KCNQ1OT1: variants seen among roughly 807,000 people sequenced by gnomAD.
The protein encoded by KCNQ1OT1 is KCNQ1 opposite strand/antisense transcript 1, also known as KCNQ1 antisense RNA 2 (non-protein coding).
chr11:2,612,878 A>G lies in KCNQ1OT1; in HGVS notation n.87117T>C. 2.5e-6 allele frequency: 1 copy of G among 398,558 alleles called. No homozygotes were observed. Among genetic ancestry groups the G allele is most frequent in the East Asian group, 3.6e-5 (1 of 28,074 alleles). The allele number at this position is 398,558 out of a possible 1,614,324, so 24.7% of individuals were successfully genotyped here. On this transcript the variant is annotated non_coding_transcript_exon_variant, in exon 1 of 1. Coordinates refer to ENST00000597346, the Ensembl canonical transcript of KCNQ1OT1. This position sits in a 1 kb window ranked among gnomAD's most constrained non-coding sequence, Gnocchi z 5.5. ...TGGATTCTAGTTCTTCTCCCTAACC[A>G]GGGATGATTTCTGTTACTCATTTAT... is the stretch of plus-strand genomic sequence containing the variant.
rs937524593 is a variant in KCNQ1OT1 at position 2,627,664 on chromosome 11, G to T, written n.72331C>A. The T allele has an allele frequency of 2.5e-6, 1 of 398,410 alleles. No homozygotes were observed. The highest frequency in any genetic ancestry group is 4.4e-6 in the Non-Finnish European group (1 of 226,050). 24.7% of individuals were successfully genotyped at this position (398,410 alleles called of 1,614,324 possible). On this transcript the variant is annotated non_coding_transcript_exon_variant, in exon 1 of 1. Coordinates refer to ENST00000597346, the Ensembl canonical transcript of KCNQ1OT1. The surrounding 1 kb of genome is among the most constrained non-coding windows in gnomAD (Gnocchi z 4.9). Reference sequence around the variant, plus strand: ...TTAAAGGATGAATATTTCATTGTGTGTGTGTATATATGTGTGTGTGTGTGT... The same window carrying T: ...TTAAAGGATGAATATTTCATTGTGTTTGTGTATATATGTGTGTGTGTGTGT...
chr11:2,631,501 CTG>C, exon 1 of KCNQ1OT1: 1 of 396,866 alleles, frequency 2.5e-6, no homozygotes, highest in Admixed American at 4.4e-5. Flanking sequence ...GGTTGTCTCT[CTG>C]TTCTCTGGTA....
At chr11:2,648,914 A>AT in exon 1 of KCNQ1OT1, 1 of 394,270 alleles carries the variant, frequency 2.5e-6, no homozygotes, top group Middle Eastern at 6.4e-4. Flanking sequence ...TATAATTGTT[A>AT]TATCTTCTTG....
chr11:2,608,568 T>C lies in KCNQ1OT1; in HGVS notation n.91427A>G, dbSNP rs1848920223. On this transcript the variant is annotated non_coding_transcript_exon_variant, in exon 1 of 1. Transcript: ENST00000597346. The surrounding 1 kb of genome is among the most constrained non-coding windows in gnomAD (Gnocchi z 4.6). ...ATAGCTCACTGTAACCTCGATCTCCTAGTCTCAAGTGATCCTTGCCCCTTA... is the reference window on the plus strand; with the variant it reads ...ATAGCTCACTGTAACCTCGATCTCCCAGTCTCAAGTGATCCTTGCCCCTTA... The C allele has an allele frequency of 7.5e-6, 3 of 398,598 alleles. No individual in the cohort carries two copies. The highest frequency in any genetic ancestry group is 1.3e-5 in the Non-Finnish European group (3 of 226,046). 24.7% of individuals were successfully genotyped at this position (398,598 alleles called of 1,614,324 possible).
exon 1 of KCNQ1OT1, chr11:2,619,589 G>C: frequency 2.5e-6 from 1 of 398,364 alleles, no homozygotes; most frequent in African/African-American, 2.1e-5. Flanking sequence ...AAGGATTTTT[G>C]CATCGGTATT....
At chr11:2,697,331 A>G (rs1205446761) in exon 1 of KCNQ1OT1, 2 of 398,454 alleles carry the variant, frequency 5.0e-6, no homozygotes. Context: ...CATCAACCCT[A>G]TGAGCTACAC....
chr11:2,664,159 CCAAA>C lies in KCNQ1OT1; in HGVS notation n.35832_35835del, dbSNP rs1850020479. On this transcript the variant is annotated non_coding_transcript_exon_variant, in exon 1 of 1. Transcript: ENST00000597346. The surrounding 1 kb of genome is among the most constrained non-coding windows in gnomAD (Gnocchi z 5.1). ...AAGGCCTCTCTCAGAGCAGGCTGTT[CCAAA>C]AGTGGCTGCTAGATATGAGCCAGCC... 5.0e-6 allele frequency: 2 copies of C among 398,570 alleles called. No individual in the cohort carries two copies. The highest frequency in any genetic ancestry group is 8.8e-6 in the Non-Finnish European group (2 of 226,174). The allele number at this position is 398,570 out of a possible 1,614,324, so 24.7% of individuals were successfully genotyped here. A position where few individuals can be genotyped will look rare whatever the true frequency, so the allele number is the denominator to read the frequency against.
At chr11:2,634,160 TTCTC>T (rs1243363648) in exon 1 of KCNQ1OT1, 2 of 396,564 alleles carry the variant, frequency 5.0e-6, no homozygotes, top group Non-Finnish European at 8.9e-6. Flanking sequence ...GATTTCTCTT[TTCTC>T]TCTCTCTCCC....
chr11:2,671,436 T>TTA lies in KCNQ1OT1; in HGVS notation n.28557_28558dup. On this transcript the variant is annotated non_coding_transcript_exon_variant, in exon 1 of 1. Coordinates refer to ENST00000597346, the Ensembl canonical transcript of KCNQ1OT1. This position sits in a 1 kb window ranked among gnomAD's most constrained non-coding sequence, Gnocchi z 4.7. ...ATGTGCACCCAGAGATTCTCCCACT[T>TTA]TAGCAGGCAGAAGAGCAACCCAGCA... 5.0e-6 allele frequency: 2 copies of TTA among 398,586 alleles called. No homozygotes were observed. The allele number at this position is 398,586 out of a possible 1,614,324, so 24.7% of individuals were successfully genotyped here.
In KCNQ1OT1 at chr11:2,626,027, CA is replaced by C. The variant is rs1849255933; in HGVS notation, n.73967del. ...TTAGTTGATATTATTTTAATGCACACAATGTAAATTTTTAAAATTTATCTAG... is the reference window on the plus strand; with the variant it reads ...TTAGTTGATATTATTTTAATGCACACATGTAAATTTTTAAAATTTATCTAG... On this transcript the variant is annotated non_coding_transcript_exon_variant, in exon 1 of 1. Coordinates refer to ENST00000597346, the Ensembl canonical transcript of KCNQ1OT1. The surrounding 1 kb of genome is among the most constrained non-coding windows in gnomAD (Gnocchi z 4.0). 1 of 398,466 alleles carries C rather than the reference CA, an allele frequency of 2.5e-6. No individual in the cohort carries two copies. The highest frequency in any genetic ancestry group is 2.1e-5 in the African/African-American group (1 of 48,628). 24.7% of individuals were successfully genotyped at this position (398,466 alleles called of 1,614,324 possible). A position where few individuals can be genotyped will look rare whatever the true frequency, so the allele number is the denominator to read the frequency against.
Position 2,670,103 on chromosome 11 carries a change from G to A in KCNQ1OT1, n.29892C>T. 2.5e-6 allele frequency: 1 copy of A among 398,718 alleles called. No homozygotes were observed. The highest frequency in any genetic ancestry group is 4.4e-6 in the Non-Finnish European group (1 of 226,164). 24.7% of individuals were successfully genotyped at this position (398,718 alleles called of 1,614,324 possible). A position where few individuals can be genotyped will look rare whatever the true frequency, so the allele number is the denominator to read the frequency against. On this transcript the variant is annotated non_coding_transcript_exon_variant, in exon 1 of 1. Coordinates refer to ENST00000597346, the Ensembl canonical transcript of KCNQ1OT1. The surrounding 1 kb of genome is among the most constrained non-coding windows in gnomAD (Gnocchi z 4.9). ...GCAGAATCAGTGGACTGTGTCTCATGGCAGTCACAGGTGCCCCAGTATGCA... is the reference window on the plus strand; with the variant it reads ...GCAGAATCAGTGGACTGTGTCTCATAGCAGTCACAGGTGCCCCAGTATGCA...
In KCNQ1OT1 at chr11:2,671,878, G is replaced by A. The variant is rs999342228; in HGVS notation, n.28117C>T. ...CAGGGAGCCAAGCCCTGGAGAGGAG[G>A]TGGGCAGCACCAGGCAGCCAGCCTG... On this transcript the variant is annotated non_coding_transcript_exon_variant, in exon 1 of 1. Transcript: ENST00000597346. The surrounding 1 kb of genome is among the most constrained non-coding windows in gnomAD (Gnocchi z 4.7). 16 of 398,578 alleles carry A rather than the reference G, an allele frequency of 4.0e-5. No individual in the cohort carries two copies. Among genetic ancestry groups the A allele is most frequent in the African/African-American group, 2.9e-4 (14 of 48,624 alleles). The allele number at this position is 398,578 out of a possible 1,614,324, so 24.7% of individuals were successfully genotyped here.
At chr11:2,692,549 G>A (rs1419589280) in exon 1 of KCNQ1OT1, 2 of 398,784 alleles carry the variant, frequency 5.0e-6, no homozygotes, top group Non-Finnish European at 8.8e-6. Flanking sequence ...CCCTTGGCCT[G>A]CCCCTGCCAC....
exon 1 of KCNQ1OT1, chr11:2,686,346 G>T (rs1200326460): frequency 2.5e-6 from 1 of 398,628 alleles, no homozygotes; most frequent in African/African-American, 2.1e-5. Flanking sequence ...CAAGCTGGGG[G>T]AGGAGTATGC....
Position 2,653,453 on chromosome 11 carries a change from C to T in KCNQ1OT1, n.46542G>A. The T allele has an allele frequency of 2.5e-6, 1 of 398,588 alleles. No individual in the cohort carries two copies. Among genetic ancestry groups the T allele is most frequent in the South Asian group, 1.3e-4 (1 of 7,852 alleles). The allele number at this position is 398,588 out of a possible 1,614,324, so 24.7% of individuals were successfully genotyped here. On this transcript the variant is annotated non_coding_transcript_exon_variant, in exon 1 of 1. Coordinates refer to ENST00000597346, the Ensembl canonical transcript of KCNQ1OT1. The surrounding 1 kb of genome is among the most constrained non-coding windows in gnomAD (Gnocchi z 5.3). Reference sequence around the variant, plus strand: ...TAAGCACAAAAGGGACATTTTTTGGCTCACACAGCTGGACCCAGCTGTTTC... The same window carrying T: ...TAAGCACAAAAGGGACATTTTTTGGTTCACACAGCTGGACCCAGCTGTTTC...
chr11:2,653,956 T>C lies in KCNQ1OT1; in HGVS notation n.46039A>G. On this transcript the variant is annotated non_coding_transcript_exon_variant, in exon 1 of 1. Coordinates refer to ENST00000597346, the Ensembl canonical transcript of KCNQ1OT1. The surrounding 1 kb of genome is among the most constrained non-coding windows in gnomAD (Gnocchi z 5.3). ...GCTGCTGGCAGGCAAAAACAACAGG[T>C]GTCCACTCAAGCAAGGTATTTTCCT... 1 of 398,562 alleles carries C rather than the reference T, an allele frequency of 2.5e-6. No homozygotes were observed. The highest frequency in any genetic ancestry group is 4.4e-6 in the Non-Finnish European group (1 of 226,050). The allele number at this position is 398,562 out of a possible 1,614,324, so 24.7% of individuals were successfully genotyped here. A position where few individuals can be genotyped will look rare whatever the true frequency, so the allele number is the denominator to read the frequency against.
rs1361072743 is a variant in KCNQ1OT1, at chr11:2,677,934, T to C, written n.22061A>G. 2 of 398,466 alleles carry C rather than the reference T, an allele frequency of 5.0e-6. No individual in the cohort carries two copies. Among genetic ancestry groups the C allele is most frequent in the Non-Finnish European group, 4.4e-6 (1 of 226,042 alleles). The allele number at this position is 398,466 out of a possible 1,614,324, so 24.7% of individuals were successfully genotyped here. On this transcript the variant is annotated non_coding_transcript_exon_variant, in exon 1 of 1. Coordinates refer to ENST00000597346, the Ensembl canonical transcript of KCNQ1OT1. This position sits in a 1 kb window ranked among gnomAD's most constrained non-coding sequence, Gnocchi z 4.5. ...CAGGTTTTTATCTTCATTCATTTCA[T>C]AGATGAGAAATGGTACACTGGAGCT... is the stretch of plus-strand genomic sequence containing the variant.
Position 2,669,856 on chromosome 11 carries a change from A to T in KCNQ1OT1, n.30139T>A, listed in dbSNP as rs56303864. ...GTTACCATGGGATACAAATGGGGTCACAACATATGGCTGTCAGCTGCTGTC... is the reference window on the plus strand; with the variant it reads ...GTTACCATGGGATACAAATGGGGTCTCAACATATGGCTGTCAGCTGCTGTC... On this transcript the variant is annotated non_coding_transcript_exon_variant, in exon 1 of 1. Coordinates refer to ENST00000597346, the Ensembl canonical transcript of KCNQ1OT1. This position sits in a 1 kb window ranked among gnomAD's most constrained non-coding sequence, Gnocchi z 5.6. 2,213 of 398,666 alleles carry T rather than the reference A, an allele frequency of 5.6e-3. 43 individuals are homozygous for T. The highest frequency in any genetic ancestry group is 0.041 in the African/African-American group (2,016 of 48,748). The allele number at this position is 398,666 out of a possible 1,614,324, so 24.7% of individuals were successfully genotyped here.
exon 1 of KCNQ1OT1, chr11:2,640,018 A>G (rs971963732): frequency 6.2e-6 from 1 of 160,810 alleles, no homozygotes; most frequent in Non-Finnish European, 1.4e-5. Flanking sequence ...GGCGCGGGAT[A>G]TAATCTCCTG....
Sources: gnomAD v4.1 joint callset for allele counts on GRCh38, gnomAD v4.1.1 for gene constraint, Gnocchi (gnomAD v3.1) non-coding constraint, MANE v1.5 for transcripts, NCBI Gene and HGNC (gene_info 2026-07-23, HGNC 2026-07-21) for gene names.